The following KALRN variants were observed in gnomAD, a reference collection of about 807,000 sequenced individuals.
KALRN encodes kalirin.
KALRN carries 70 observed loss-of-function variants against 353.7 expected under a neutral mutation model. The observed-to-expected ratio is 0.20, with a 90% CI of 0.16 to 0.24. The LOEUF (loss-of-function observed/expected upper bound fraction) is 0.24, where lower values mean the gene tolerates loss of function less well. Ranked by LOEUF, KALRN falls within the 10% of genes least tolerant of loss-of-function variation. The probability of loss-of-function intolerance (pLI) is 1.00; values close to 1 mark genes in which losing one functional copy is unlikely to be tolerated. For missense variants in KALRN, 2,791 were observed against 3,756.7 expected, an observed-to-expected ratio of 0.74 and a Z score of 6.72; for synonymous variants, 1,391 against 1,434.8, an observed-to-expected ratio of 0.97 and a Z score of 0.69.
rs182164278 is a variant in KALRN at position 124,556,686 on chromosome 3, C to T, written c.4936-6157C>T. Among the ~76,000 whole-genome samples, 688 of 152,266 alleles carry T rather than the reference C, an allele frequency of 4.5e-3. 5 individuals are homozygous for T. The highest frequency in any genetic ancestry group is 0.016 in the African/African-American group (672 of 41,568). On this transcript the variant is annotated intron_variant, in intron 33 of 59. Transcript: ENST00000682506. The stretch of plus-strand genomic sequence containing the variant: ...AAATATTTGCATTTTTCCCCATTAC[C>T]TTTGTTGATTTGTTTTAGAGATTGT...
At chr3:124,083,820 GA>G (rs1465307810) in intron 1 of KALRN, among the ~76,000 whole-genome samples, 1 of 152,174 alleles carries the variant, frequency 6.6e-6, no homozygotes, top group Admixed American at 6.5e-5. Flanking sequence ...AATCAACTTG[GA>G]AATTGTCTTG....
rs2063312924 is a variant in KALRN, at chr3:124,719,680, G to A, written c.*210G>A. 1.8e-6 allele frequency: 1 copy of A among 546,402 alleles called. No homozygotes were observed. Among genetic ancestry groups the A allele is most frequent in the South Asian group, 2.5e-5 (1 of 40,662 alleles). The allele number at this position is 546,402 out of a possible 1,614,324, so 33.8% of individuals were successfully genotyped here. ...AAGGGGCTTTTCAGAAGGTCATTCT[G>A]AAGAAATAAAGAGGCAAAGGGTCAC... On this transcript the variant is annotated 3_prime_UTR_variant, in exon 60 of 60. Transcript: ENST00000682506. This position sits in a 1 kb window ranked among gnomAD's most constrained non-coding sequence, Gnocchi z 5.3.
intron 43 of KALRN, among the ~76,000 whole-genome samples, chr3:124,659,824 AATATT>A (rs71145474): frequency 0.12 from 18,507 of 150,878 alleles, 1,234 homozygotes; most frequent in African/African-American, 0.16. Flanking sequence ...AGGCTTTAGA[AATATT>A]AGATTAGTAA....
intron 25 of KALRN, among the ~76,000 whole-genome samples, chr3:124,468,389 A>T (rs2060554679): frequency 6.6e-6 from 1 of 152,166 alleles, no homozygotes. Context: ...TAGCTCCACC[A>T]GGTGGTGAGA....
chr3:124,666,487 C>T lies in KALRN; in HGVS notation c.6384C>T (p.Asp2128=), dbSNP rs560018785. ...LTAQGKLLQQ[D]TFYVIELDAG... ...CTCAGGGGAAGCTGCTGCAGCAGGA[C>T]ACATTCTATGTGATCGAGCTGGATG... The change falls in exon 46 of 60, where the codon GAC becomes GAT. Residue 2128 remains aspartate, a synonymous_variant. Coordinates refer to ENST00000682506, the MANE Select transcript of KALRN (RefSeq NM_001388419.1). The T allele has an allele frequency of 3.1e-6, 5 of 1,614,024 alleles. No homozygotes were observed. The South Asian group carries it at 4.4e-5, about 14-fold the overall frequency.
rs769593545 is a variant in KALRN at position 124,407,316 on chromosome 3, T to TTATA, written c.2347-6140_2347-6137dup. 2.0e-5 allele frequency among the ~76,000 whole-genome samples: 3 copies of TTATA among 150,932 alleles called. No homozygotes were observed. In the East Asian group the frequency reaches 5.8e-4, roughly 29 times the overall value. On this transcript the variant is annotated intron_variant, in intron 13 of 59. Transcript: ENST00000682506. ...ATTATTATTCATAATATGTTTTCTT[T>TTATA]TATATATATATATATATTTGCTTCC...
At chr3:124,489,174 G>A (rs1434340761) in intron 29 of KALRN, among the ~76,000 whole-genome samples, 3 of 152,122 alleles carry the variant, frequency 2.0e-5, no homozygotes, top group Non-Finnish European at 2.9e-5. Context: ...AGGGGTGGTG[G>A]TGCATGCCTG....
chr3:124,280,659 A>G (rs2149036487), intron 5 of KALRN, among the ~76,000 whole-genome samples: 1 of 152,288 alleles, frequency 6.6e-6, no homozygotes, highest in Middle Eastern at 3.4e-3. Flanking sequence ...AGCCCAAGTT[A>G]GTTGATCTGA....
At chr3:124,690,916 G>A (rs1351856146) in intron 51 of KALRN, among the ~76,000 whole-genome samples, 3 of 152,174 alleles carry the variant, frequency 2.0e-5, no homozygotes, top group Non-Finnish European at 4.4e-5. Flanking sequence ...GAAAGATTGC[G>A]AATAAGACTT....
At chr3:124,523,018 C>T (rs1208403721) in intron 33 of KALRN, among the ~76,000 whole-genome samples, 5 of 152,142 alleles carry the variant, frequency 3.3e-5, no homozygotes, top group African/African-American at 7.2e-5. Flanking sequence ...ATTTTCATAA[C>T]GTAATACTTT....
intron 46 of KALRN, 69 bp downstream of exon 46, chr3:124,666,703 C>G (rs531594642): frequency 1.5e-6 from 2 of 1,325,248 alleles, no homozygotes; most frequent in Non-Finnish European, 1.1e-6. Context: ...TTCCCTAAGA[C>G]GAGGCCCTGG....
chr3:124,457,944 ACTCCT>A (rs2059484311), intron 23 of KALRN, among the ~76,000 whole-genome samples: 1 of 151,994 alleles, frequency 6.6e-6, no homozygotes, highest in South Asian at 2.1e-4. Context: ...ATTTTCACTG[ACTCCT>A]CTCAGGTCTA....
At chr3:124,587,899 T>G (rs1013460942) in intron 34 of KALRN, among the ~76,000 whole-genome samples, 1 of 134,118 alleles carries the variant, frequency 7.5e-6, no homozygotes, top group African/African-American at 2.5e-5. Context: ...CTCACTATGT[T>G]GCCAGGCTGG....
chr3:124,446,500 A>G (rs2150675338), intron 20 of KALRN, among the ~76,000 whole-genome samples: 1 of 152,302 alleles, frequency 6.6e-6, no homozygotes, highest in Non-Finnish European at 1.5e-5. Context: ...GTCACCCACT[A>G]TGCCCCTAAT....
chr3:124,066,769 G>A (rs111818755), intron 1 of KALRN, among the ~76,000 whole-genome samples: 11,577 of 152,224 alleles, frequency 0.076, 462 homozygotes, highest in Middle Eastern at 0.11. Flanking sequence ...GCACTCAGCC[G>A]GCTGGAGAAG....
At chr3:124,141,328 C>G (rs910336340) in intron 1 of KALRN, among the ~76,000 whole-genome samples, 23 of 152,190 alleles carry the variant, frequency 1.5e-4, no homozygotes, top group Non-Finnish European at 4.4e-5. Flanking sequence ...AGCCACAACT[C>G]CCTAGCCTCG....
chr3:124,517,007 G>A (rs960303837), intron 33 of KALRN, among the ~76,000 whole-genome samples: 6 of 152,030 alleles, frequency 3.9e-5, no homozygotes, highest in African/African-American at 7.2e-5. Context: ...TAGTAGAGAC[G>A]GGGTTTCACT....
intron 37 of KALRN, among the ~76,000 whole-genome samples, chr3:124,638,355 C>G (rs2081608751): frequency 6.6e-6 from 1 of 151,328 alleles, no homozygotes; most frequent in Non-Finnish European, 1.5e-5. Flanking sequence ...AAAACAAAAA[C>G]CTGCTGTTTT....
chr3:124,202,544 G>A (rs144233316), intron 1 of KALRN, among the ~76,000 whole-genome samples: 1 of 152,144 alleles, frequency 6.6e-6, no homozygotes, highest in African/African-American at 2.4e-5. Context: ...GAGCCACCGT[G>A]CAGCCTACCC....
Sources: gnomAD v4.1 joint callset for allele counts (sites outside exome capture counted in the v4.1 genomes callset) on GRCh38, gnomAD v4.1.1 for gene constraint, Gnocchi (gnomAD v3.1) non-coding constraint, MANE v1.5 for transcripts, NCBI Gene and HGNC (gene_info 2026-07-23, HGNC 2026-07-21) for gene names.